The following DNAH5 variants were observed in gnomAD, a reference collection of about 807,000 sequenced individuals.
DNAH5 encodes axonemal beta dynein heavy chain 5.
A neutral mutation model predicts 518.2 loss-of-function variants in DNAH5; 372 were observed. That is an observed-to-expected ratio of 0.72 (90% confidence interval 0.66 to 0.78). The LOEUF is 0.78. Among genes scored for constraint, DNAH5 ranks in the 30% least tolerant of loss-of-function variants. The pLI, the probability that DNAH5 is intolerant of heterozygous loss-of-function variation, is 0.00. For missense variants in DNAH5, 5,523 were observed against 5,687.0 expected (o/e 0.97, Z 0.93); for synonymous variants, 2,039 against 2,025.9 (o/e 1.01, Z -0.17).
intron 70 of DNAH5, among the ~76,000 whole-genome samples, chr5:13,724,483 G>T (rs1745459620): frequency 6.6e-6 from 1 of 152,186 alleles, no homozygotes; most frequent in African/African-American, 2.4e-5. Context: ...CTTTGGACTT[G>T]ATGCTGTAAC....
intron 30 of DNAH5, among the ~76,000 whole-genome samples, chr5:13,851,779 T>C (rs1766880580): frequency 6.6e-6 from 1 of 152,092 alleles, no homozygotes; most frequent in South Asian, 2.1e-4. Flanking sequence ...ATGGGAATCC[T>C]GGGCAAGATG....
intron 30 of DNAH5, among the ~76,000 whole-genome samples, chr5:13,857,966 C>T (rs1767859296): frequency 6.6e-6 from 1 of 152,128 alleles, no homozygotes; most frequent in South Asian, 2.1e-4. Context: ...GACTTAATGA[C>T]TAAAACACCA....
Position 13,814,972 on chromosome 5 carries a change from T to A in DNAH5, c.6989-126A>T, listed in dbSNP as rs1167436017. On this transcript the variant is annotated intron_variant, in intron 42 of 78. Transcript: ENST00000265104. ...ATTTTCATTAATTTTTAAATATAGT[T>A]TTGCTCCAAATGATTACCTTGTTTT... is the stretch of plus-strand genomic sequence containing the variant. 4.1e-6 allele frequency: 4 copies of A among 972,466 alleles called. No homozygotes were observed. The East Asian group carries it at 7.9e-5, about 19-fold the overall frequency. The allele number at this position is 972,466 out of a possible 1,614,324, so 60.2% of individuals were successfully genotyped here. A position where few individuals can be genotyped will look rare whatever the true frequency, so the allele number is the denominator to read the frequency against.
Position 13,883,002 on chromosome 5 carries a change from C to A in DNAH5, c.3076G>T (p.Ala1026Ser). 2 of 1,614,134 alleles carry A rather than the reference C, an allele frequency of 1.2e-6. No homozygotes were observed. Among genetic ancestry groups the A allele is most frequent in the Non-Finnish European group, 1.7e-6 (2 of 1,180,018 alleles). Residue 1026 changes from alanine (A) to serine (S), a missense_variant, in exon 20 of 79, where the codon GCC becomes TCC. Ala to Ser is a moderately conservative substitution (Grantham distance 99). This residue lies in a region of DNAH5 where 5,121 missense variants were observed against 5,223.3 expected (regional missense o/e 0.98). Coordinates refer to ENST00000265104, the MANE Select transcript of DNAH5 (RefSeq NM_001369.3). ...AGGGTCTGCTGTACATCTTCCAGGG[C>A]AGGGGCCATGACGATGTTGGGAATG... ...LAIPNIVMAP[A>S]LEDVQQTLNK...
intron 64 of DNAH5, 82 bp downstream of exon 64, chr5:13,752,052 A>G (rs779592140): frequency 3.5e-5 from 51 of 1,438,352 alleles, no homozygotes; most frequent in Middle Eastern, 3.6e-4. Context: ...GTTGTTGCCT[A>G]TTGAGAGAAT....
intron 32 of DNAH5, among the ~76,000 whole-genome samples, chr5:13,843,244 C>T (rs1042183658): frequency 6.6e-6 from 1 of 152,106 alleles, no homozygotes; most frequent in African/African-American, 2.4e-5. Context: ...CATTGATTTC[C>T]TTGCCCCCTT....
At chr5:13,797,383 A>C (rs1229565713) in intron 47 of DNAH5, among the ~76,000 whole-genome samples, 4 of 152,226 alleles carry the variant, frequency 2.6e-5, no homozygotes, top group Non-Finnish European at 5.9e-5. Flanking sequence ...CCCCATCAAT[A>C]GTGGGCAAAG....
chr5:13,745,765 T>C (rs1749244547), intron 65 of DNAH5, among the ~76,000 whole-genome samples: 1 of 152,192 alleles, frequency 6.6e-6, no homozygotes. Flanking sequence ...ATCAACTTCC[T>C]ATTCTGTTTG....
chr5:13,811,949 A>C, intron 43 of DNAH5, 126 bp from the exon 44 acceptor site: 2 of 790,258 alleles, frequency 2.5e-6, no homozygotes, highest in South Asian at 1.6e-5. Context: ...ACCACACACT[A>C]TGTTCCAGGC....
intron 47 of DNAH5, among the ~76,000 whole-genome samples, chr5:13,798,009 T>A (rs1459314906): frequency 7.4e-6 from 1 of 135,090 alleles, no homozygotes; most frequent in South Asian, 2.3e-4. Context: ...AACAATGAGA[T>A]CACTTGCACA....
chr5:13,774,287 G>A (rs1753765052), intron 55 of DNAH5, among the ~76,000 whole-genome samples: 1 of 152,070 alleles, frequency 6.6e-6, no homozygotes, highest in African/African-American at 2.4e-5. Context: ...TGGAGAAAAG[G>A]GGAGGTGTTG....
chr5:13,797,078 G>A (rs948920506), intron 47 of DNAH5, among the ~76,000 whole-genome samples: 11 of 152,286 alleles, frequency 7.2e-5, no homozygotes, highest in Non-Finnish European at 1.3e-4. Flanking sequence ...TTAAATGTTA[G>A]ACCTGAAACT....
chr5:13,801,851 A>T (rs1041706927), intron 47 of DNAH5, among the ~76,000 whole-genome samples: 1 of 151,252 alleles, frequency 6.6e-6, no homozygotes, highest in Non-Finnish European at 1.5e-5. Context: ...ACATACAGTT[A>T]AAAAAAAACA....
intron 1 of DNAH5, among the ~76,000 whole-genome samples, chr5:13,967,629 T>TTTTG (rs928868311): frequency 2.0e-5 from 3 of 152,186 alleles, no homozygotes; most frequent in East Asian, 3.8e-4. Flanking sequence ...AGATTTGTTT[T>TTTTG]TTTGTTTGTT....
intron 38 of DNAH5, among the ~76,000 whole-genome samples, chr5:13,825,377 T>A (rs866203772): frequency 7.4e-6 from 1 of 134,370 alleles, no homozygotes; most frequent in Non-Finnish European, 1.6e-5. Context: ...AAATAAATAA[T>A]AAAAGCATGG....
chr5:13,983,133 A>T (rs1782805954), intron 1 of DNAH5, among the ~76,000 whole-genome samples: 1 of 152,234 alleles, frequency 6.6e-6, no homozygotes, highest in South Asian at 2.1e-4. Context: ...GTTGATGCTG[A>T]TGCAATCCCA....
chr5:13,773,981 A>C (rs181614362), intron 55 of DNAH5, among the ~76,000 whole-genome samples: 62 of 152,274 alleles, frequency 4.1e-4, no homozygotes, highest in African/African-American at 1.1e-3. Flanking sequence ...AAGGGACCTC[A>C]GGAGAGCCTG....
chr5:13,715,167 C>A (rs1744127742), intron 74 of DNAH5, among the ~76,000 whole-genome samples: 1 of 151,888 alleles, frequency 6.6e-6, no homozygotes, highest in African/African-American at 2.4e-5. Flanking sequence ...GGGACACAGG[C>A]AGAAGCAGGA....
At chr5:13,787,283 AG>A (rs1459132967) in intron 51 of DNAH5, among the ~76,000 whole-genome samples, 2 of 152,140 alleles carry the variant, frequency 1.3e-5, no homozygotes, top group Non-Finnish European at 2.9e-5. Flanking sequence ...CATTAGTAAT[AG>A]GGAAAAAAGG....
Sources: allele counts gnomAD v4.1 joint callset (sites outside exome capture counted in the v4.1 genomes callset), GRCh38; gene constraint gnomAD v4.1.1; regional missense constraint gnomAD v4.1.1; transcripts MANE v1.5; gene names NCBI Gene and HGNC (gene_info 2026-07-23, HGNC 2026-07-21).